Variants in CCDC85C observed in about 807,000 individuals in gnomAD.
CCDC85C encodes coiled-coil domain containing 85C, also known as coiled-coil domain-containing protein 85C.
Under a neutral mutation model 38.3 loss-of-function variants are expected in CCDC85C, and 18 were observed. The observed-to-expected ratio is 0.47, with a 90% confidence interval of 0.33 to 0.70. CCDC85C has a LOEUF of 0.70. Among genes scored for constraint, CCDC85C ranks in the 30% least tolerant of loss-of-function variants. The pLI is 0.03. For missense variants in CCDC85C, 566 were observed against 621.2 expected (o/e 0.91, Z 0.94); for synonymous variants, 264 against 293.8 (o/e 0.90, Z 1.04).
chr14:99,592,887 G>T (rs1206073817), intron 1 of CCDC85C, among the ~76,000 whole-genome samples: 1 of 152,234 alleles, frequency 6.6e-6, no homozygotes, highest in African/African-American at 2.4e-5. Context: ...CAAAGGCGAG[G>T]GGGAGAAGAG....
intron 1 of CCDC85C, among the ~76,000 whole-genome samples, chr14:99,553,198 G>A (rs1045434539): frequency 2.0e-5 from 3 of 152,308 alleles, no homozygotes; most frequent in Admixed American, 6.5e-5. Flanking sequence ...CTGAGCCGCC[G>A]AGAGGATGCT....
At chr14:99,565,632 T>C (rs916272758) in intron 1 of CCDC85C, among the ~76,000 whole-genome samples, 1 of 152,186 alleles carries the variant, frequency 6.6e-6, no homozygotes, top group Non-Finnish European at 1.5e-5. Context: ...GCAGGCTGCA[T>C]GGGCAGCCGG....
chr14:99,536,224 A>C, intron 1 of CCDC85C, 136 bp from the exon 2 acceptor site: 1 of 682,782 alleles, frequency 1.5e-6, no homozygotes, highest in East Asian at 2.7e-5. Context: ...GTGACGCCCC[A>C]GCCCCTCCGA....
chr14:99,503,833 T>TGCG lies in CCDC85C; in HGVS notation c.*11412_*11413insCGC. ...ATCATAGATTCTAAAATTGTGCTCT[T>TGCG]ACGAAGCTATCAGTACAGAAAACAT... On this transcript the variant is annotated 3_prime_UTR_variant, in exon 6 of 6. Coordinates refer to ENST00000380243, the MANE Select transcript of CCDC85C (RefSeq NM_001144995.2). 1 of 590,554 alleles carries TGCG rather than the reference T, an allele frequency of 1.7e-6. No homozygotes were observed. The highest frequency in any genetic ancestry group is 3.1e-5 in the Admixed American group (1 of 31,786). The allele number at this position is 590,554 out of a possible 1,614,324, so 36.6% of individuals were successfully genotyped here.
rs570458815 is a variant in CCDC85C, at chr14:99,510,047, G to T, written c.*5199C>A. ...CCATGCGTTGGGCCACAGAGGAGGCGGGCAGCTGCTCCCTGCTCCTCTGTA... is the reference window on the plus strand; with the variant it reads ...CCATGCGTTGGGCCACAGAGGAGGCTGGCAGCTGCTCCCTGCTCCTCTGTA... On this transcript the variant is annotated 3_prime_UTR_variant, in exon 6 of 6. Coordinates refer to ENST00000380243, the MANE Select transcript of CCDC85C (RefSeq NM_001144995.2). The T allele has an allele frequency of 1.8e-6, 2 of 1,094,616 alleles. No individual in the cohort carries two copies. The highest frequency in any genetic ancestry group is 5.3e-5 in the Admixed American group (2 of 37,792). The allele number at this position is 1,094,616 out of a possible 1,614,324, so 67.8% of individuals were successfully genotyped here.
chr14:99,565,935 A>G (rs4905857), intron 1 of CCDC85C, among the ~76,000 whole-genome samples: 83,771 of 152,096 alleles, frequency 0.55, 23,326 homozygotes, highest in African/African-American at 0.62. Flanking sequence ...TTTCAGCCGC[A>G]GGGCTGCTGC....
intron 1 of CCDC85C, among the ~76,000 whole-genome samples, chr14:99,546,777 T>C (rs1247507186): frequency 6.6e-6 from 1 of 151,976 alleles, no homozygotes; most frequent in African/African-American, 2.4e-5. Context: ...AGGGCTGCAG[T>C]AGCAACAAGC....
chr14:99,571,116 G>A (rs1365928617), intron 1 of CCDC85C, among the ~76,000 whole-genome samples: 1 of 152,240 alleles, frequency 6.6e-6, no homozygotes, highest in African/African-American at 2.4e-5. Context: ...CCACCCTCAC[G>A]GGAAGGAGGA....
chr14:99,509,852 G>C lies in CCDC85C; in HGVS notation c.*5394C>G. 1 of 459,930 alleles carries C rather than the reference G, an allele frequency of 2.2e-6. No individual in the cohort carries two copies. Among genetic ancestry groups the C allele is most frequent in the Non-Finnish European group, 3.8e-6 (1 of 260,172 alleles). The allele number at this position is 459,930 out of a possible 1,614,324, so 28.5% of individuals were successfully genotyped here. Reference sequence around the variant, plus strand: ...CCCCACACGTTTTGCACTAGGAAGAGGGGGCTGGGGCCAGGGCACAAGGGG... The same window carrying C: ...CCCCACACGTTTTGCACTAGGAAGACGGGGCTGGGGCCAGGGCACAAGGGG... On this transcript the variant is annotated 3_prime_UTR_variant, in exon 6 of 6. Transcript: ENST00000380243.
chr14:99,592,547 G>A (rs866269253), intron 1 of CCDC85C, among the ~76,000 whole-genome samples: 12 of 152,208 alleles, frequency 7.9e-5, no homozygotes, highest in Admixed American at 2.0e-4. Context: ...CATTCTGGAA[G>A]ACAATCCCAG....
At position 99,536,020 on chromosome 14, in the gene CCDC85C, C is replaced by A. The variant is rs1013959265; in HGVS notation, c.862G>T (p.Ala288Ser). ...GCCACCCGAAGCCGGCCTACCTGTGCGAGGAGCTTGTCACCCTCCAGCAGC... is the reference window on the plus strand; with the variant it reads ...GCCACCCGAAGCCGGCCTACCTGTGAGAGGAGCTTGTCACCCTCCAGCAGC... ...VRLLEGDKLL[A>S]QQAGSGEFRT... The change falls in exon 2 of 6, where the codon GCA becomes TCA. Residue 288 changes from alanine to serine, a missense_variant. Physicochemically the swap from Ala to Ser is moderately conservative, Grantham distance 99 (BLOSUM62 1). This residue lies in a region of CCDC85C where 286 missense variants were observed against 276.4 expected (regional missense o/e 1.03). Transcript: ENST00000380243. 8.4e-6 allele frequency: 13 copies of A among 1,551,154 alleles called. No homozygotes were observed. Among genetic ancestry groups the A allele is most frequent in the African/African-American group, 2.7e-5 (2 of 73,026 alleles).
chr14:99,537,128 G>A (rs887110033), intron 1 of CCDC85C, among the ~76,000 whole-genome samples: 1 of 152,156 alleles, frequency 6.6e-6, no homozygotes, highest in Non-Finnish European at 1.5e-5. Flanking sequence ...AACATCTCTC[G>A]CAGAGATCAC....
chr14:99,601,205 T>G (rs963810627), intron 1 of CCDC85C, among the ~76,000 whole-genome samples: 2 of 152,190 alleles, frequency 1.3e-5, no homozygotes, highest in Admixed American at 1.3e-4. Flanking sequence ...TAATGCTGAA[T>G]TTTCATTTCA....
rs1897164243 is a variant in CCDC85C, at chr14:99,513,055, A to G, written c.*2191T>C. On this transcript the variant is annotated 3_prime_UTR_variant, in exon 6 of 6. Coordinates refer to ENST00000380243, the MANE Select transcript of CCDC85C (RefSeq NM_001144995.2). The stretch of plus-strand genomic sequence containing the variant: ...TAACAGCAGGAGGGTTCTCAAAGCA[A>G]TGTTCCACTGATCCCTGGATGCCAC... 6.6e-6 allele frequency: 1 copy of G among 152,272 alleles called. No individual in the cohort carries two copies. The highest frequency in any genetic ancestry group is 2.4e-5 in the African/African-American group (1 of 41,462). The allele number at this position is 152,272 out of a possible 1,614,324, so 9.4% of individuals were successfully genotyped here.
chr14:99,573,684 G>GC (rs1356925396), intron 1 of CCDC85C, among the ~76,000 whole-genome samples: 1 of 152,176 alleles, frequency 6.6e-6, no homozygotes, highest in East Asian at 1.9e-4. Context: ...TCTAAATAAC[G>GC]CCAACCTCCT....
rs116240240 is a variant in CCDC85C, at chr14:99,535,904, G to C, written c.867+111C>G. 10 of 774,048 alleles carry C rather than the reference G, an allele frequency of 1.3e-5. No individual in the cohort carries two copies. In the African/African-American group the frequency reaches 1.7e-4, roughly 13 times the overall value. The allele number at this position is 774,048 out of a possible 1,614,324, so 47.9% of individuals were successfully genotyped here. ...TCCAGGAGGTGACAGGTGGCAGTGG[G>C]AGCAGTTGGGGGGACAGCCTAGGTC... On this transcript the variant is annotated intron_variant, in intron 2 of 5. Coordinates refer to ENST00000380243, the MANE Select transcript of CCDC85C (RefSeq NM_001144995.2). The surrounding 1 kb of genome is among the most constrained non-coding windows in gnomAD (Gnocchi z 5.5).
At chr14:99,541,343 C>G (rs1324465731) in intron 1 of CCDC85C, among the ~76,000 whole-genome samples, 3 of 152,220 alleles carry the variant, frequency 2.0e-5, no homozygotes, top group Non-Finnish European at 4.4e-5. Flanking sequence ...GCTGCCGAGG[C>G]TACAGGGGGC....
At position 99,588,687 on chromosome 14, in the gene CCDC85C, A is replaced by T. The variant is rs922432329; in HGVS notation, c.793+14480T>A. On this transcript the variant is annotated intron_variant, in intron 1 of 5. Coordinates refer to ENST00000380243, the MANE Select transcript of CCDC85C (RefSeq NM_001144995.2). This position sits in a 1 kb window ranked among gnomAD's most constrained non-coding sequence, Gnocchi z 5.0. ...GGGGTCAGGTCATTCCCCCACCCGTATAAGCACTTGGAAGGTGGTCCTGAA... is the reference window on the plus strand; with the variant it reads ...GGGGTCAGGTCATTCCCCCACCCGTTTAAGCACTTGGAAGGTGGTCCTGAA... 6.6e-6 allele frequency among the ~76,000 whole-genome samples: 1 copy of T among 152,012 alleles called. No individual in the cohort carries two copies. The highest frequency in any genetic ancestry group is 2.4e-5 in the African/African-American group (1 of 41,380).
At position 99,507,245 on chromosome 14, in the gene CCDC85C, C is replaced by T; in HGVS notation, c.*8001G>A. 1.3e-6 allele frequency: 1 copy of T among 794,952 alleles called. No homozygotes were observed. Among genetic ancestry groups the T allele is most frequent in the Non-Finnish European group, 2.2e-6 (1 of 446,988 alleles). 49.2% of individuals were successfully genotyped at this position (794,952 alleles called of 1,614,324 possible). On this transcript the variant is annotated 3_prime_UTR_variant, in exon 6 of 6. Transcript: ENST00000380243. ...AACTTAGAAAAGGGAGACTGGGGCC[C>T]AGATTGACAATGTCAGCCACAGGCA...
Sources: allele counts gnomAD v4.1 joint callset (sites outside exome capture counted in the v4.1 genomes callset), GRCh38; gene constraint gnomAD v4.1.1; regional missense constraint gnomAD v4.1.1; non-coding constraint Gnocchi (gnomAD v3.1); transcripts MANE v1.5; gene names NCBI Gene and HGNC (gene_info 2026-07-23, HGNC 2026-07-21).